Variants in GPR173 observed in about 807,000 individuals in gnomAD.
GPR173 encodes the protein probable G protein-coupled receptor 173.
In GPR173, 2 loss-of-function variants were observed where a neutral mutation model predicts 13.9. The observed-to-expected ratio is 0.14, with a 90% CI of 0.06 to 0.45. The LOEUF is 0.45. GPR173 is among the 20% of genes least tolerant of loss of function. The probability of loss-of-function intolerance (pLI) is 0.98; values close to 1 mark genes in which losing one functional copy is unlikely to be tolerated. For missense variants in GPR173, 202 were observed against 340.5 expected (o/e 0.59, Z 3.20); for synonymous variants, 131 against 141.0 (o/e 0.93, Z 0.50).
rs1277336426 is a variant in GPR173, at chrX:53,076,552, G to C, written c.-70G>C. The C allele has an allele frequency of 1.1e-6, 1 of 883,777 alleles. No individual in the cohort carries two copies. Among genetic ancestry groups the C allele is most frequent in the Non-Finnish European group, 1.6e-6 (1 of 638,026 alleles). The allele number at this position is 883,777 out of a possible 1,213,427, so 72.8% of individuals were successfully genotyped here. On this transcript the variant is annotated 5_prime_UTR_variant, in exon 2 of 2. Transcript: ENST00000332582. ...GCAATGTAGCAGGACAACTCATGGA[G>C]CCCCCCCGGGCCCATCGAGTACCGG... is the stretch of plus-strand genomic sequence containing the variant.
At chrX:53,051,329 G>C (rs1386139232) in intron 1 of GPR173, among the ~76,000 whole-genome samples, 2 of 111,025 alleles carry the variant, frequency 1.8e-5, no homozygotes, top group African/African-American at 6.6e-5. Flanking sequence ...GGGCAGGGAG[G>C]GGGGCTTTGA....
intron 1 of GPR173, among the ~76,000 whole-genome samples, chrX:53,073,586 G>A (rs904569523): frequency 9.3e-6 from 1 of 107,124 alleles, no homozygotes; most frequent in Non-Finnish European, 1.9e-5. Context: ...CTGACCCACA[G>A]CCCCAGCCCA....
intron 1 of GPR173, among the ~76,000 whole-genome samples, chrX:53,076,260 C>G (rs1162415168): frequency 1.8e-5 from 2 of 110,275 alleles, no homozygotes; most frequent in African/African-American, 6.6e-5. Flanking sequence ...GGTCTCCTGT[C>G]TGTCTCTCTC....
chrX:53,075,976 TA>T (rs782510546), intron 1 of GPR173, among the ~76,000 whole-genome samples: 1 of 110,490 alleles, frequency 9.1e-6, no homozygotes, highest in Admixed American at 9.7e-5. Flanking sequence ...TGGGTGGCAG[TA>T]AAAAAAAGTC....
intron 1 of GPR173, among the ~76,000 whole-genome samples, chrX:53,057,583 A>G (rs1232569951): frequency 1.9e-5 from 2 of 106,503 alleles, no homozygotes; most frequent in Non-Finnish European, 3.9e-5. Context: ...ACTAAAAAAA[A>G]AAAAAAACCA....
intron 1 of GPR173, among the ~76,000 whole-genome samples, chrX:53,057,409 C>T (rs1463335314): frequency 1.0e-4 from 9 of 86,998 alleles, no homozygotes; most frequent in African/African-American, 4.2e-4. Context: ...AAGAGTGAAA[C>T]TCCATCTCAA....
chrX:53,061,953 G>A (rs782416330), intron 1 of GPR173, among the ~76,000 whole-genome samples: 1 of 86,692 alleles, frequency 1.2e-5, no homozygotes, highest in South Asian at 5.1e-4. Flanking sequence ...TTTTGCATGA[G>A]AGAGAGAAAG....
intron 1 of GPR173, among the ~76,000 whole-genome samples, chrX:53,069,853 G>T (rs782295192): frequency 9.0e-6 from 1 of 111,345 alleles, no homozygotes; most frequent in African/African-American, 3.3e-5. Context: ...TTGTGTTGGT[G>T]AGCACACCTA....
intron 1 of GPR173, among the ~76,000 whole-genome samples, chrX:53,074,195 G>GTAAATATACATGTATATTTATTCATATAT (rs1569224445): frequency 8.0e-4 from 3 of 3,758 alleles, no homozygotes; most frequent in South Asian, 0.012. Flanking sequence ...TATTCATATA[G>GTAAATATACATGTATATTTATTCATATAT]AAATATATAT....
intron 1 of GPR173, among the ~76,000 whole-genome samples, chrX:53,059,119 G>T (rs1239196232): frequency 9.4e-6 from 1 of 106,819 alleles, no homozygotes; most frequent in Non-Finnish European, 1.9e-5. Context: ...CGTGGTGGCA[G>T]GCGCCTGTAG....
At chrX:53,060,317 T>A (rs1281457293) in intron 1 of GPR173, among the ~76,000 whole-genome samples, 8 of 109,860 alleles carry the variant, frequency 7.3e-5, no homozygotes, top group Admixed American at 4.9e-4. Flanking sequence ...CAGTGGCTCA[T>A]GCCTGTAATC....
At position 53,077,832 on chromosome X, in the gene GPR173, G is replaced by C. The variant is rs1932463664; in HGVS notation, c.*89G>C. Reference sequence around the variant, plus strand: ...GGGAGGGGTAGGGGCCCATACAGGAGTCCTCCTTTCTGAGCTCCAGCCCCA... The same window carrying C: ...GGGAGGGGTAGGGGCCCATACAGGACTCCTCCTTTCTGAGCTCCAGCCCCA... On this transcript the variant is annotated 3_prime_UTR_variant, in exon 2 of 2. Coordinates refer to ENST00000332582, the MANE Select transcript of GPR173 (RefSeq NM_018969.6). 2.6e-6 allele frequency: 2 copies of C among 765,884 alleles called. No individual in the cohort carries two copies. Among genetic ancestry groups the C allele is most frequent in the African/African-American group, 4.2e-5 (2 of 47,141 alleles). The allele number at this position is 765,884 out of a possible 1,213,427, so 63.1% of individuals were successfully genotyped here. A position where few individuals can be genotyped will look rare whatever the true frequency, so the allele number is the denominator to read the frequency against.
chrX:53,052,606 T>TACAC lies in GPR173; in HGVS notation c.-98+3122_-98+3123insACAC, dbSNP rs1569220331. 5.4e-3 allele frequency among the ~76,000 whole-genome samples: 551 copies of TACAC among 101,707 alleles called. 4 individuals are homozygous for TACAC. The highest frequency in any genetic ancestry group is 0.02 in the African/African-American group (523 of 25,598). 88.3% of individuals were successfully genotyped at this position (101,707 alleles called of 115,157 possible). On this transcript the variant is annotated intron_variant, in intron 1 of 1. Coordinates refer to ENST00000332582, the MANE Select transcript of GPR173 (RefSeq NM_018969.6). ...ACACATCTGTCCACACACACACGTG[T>TACAC]GTGTGTGTGTGTGTGTGTGTGTGTG...
intron 1 of GPR173, among the ~76,000 whole-genome samples, chrX:53,060,575 C>T (rs1932109685): frequency 1.2e-5 from 1 of 83,553 alleles, no homozygotes; most frequent in South Asian, 5.9e-4. Flanking sequence ...AGCGAGACTC[C>T]GTCTCAAAAA....
rs781994467 is a variant in GPR173 at position 53,067,645 on chromosome X, G to C, written c.-97-8880G>C. 1.4e-4 allele frequency among the ~76,000 whole-genome samples: 16 copies of C among 110,973 alleles called. No homozygotes were observed. In the East Asian group the frequency reaches 3.7e-3, roughly 25 times the overall value. The stretch of plus-strand genomic sequence containing the variant: ...TCAAGACCATCCTGGCTAACACAGT[G>C]AAACCCCGTCTCTACTAAAATACAA... On this transcript the variant is annotated intron_variant, in intron 1 of 1. Transcript: ENST00000332582.
At position 53,077,784 on chromosome X, in the gene GPR173, C is replaced by CCCATCACGGTGGCCATG; in HGVS notation, c.*41_*42insCCATCACGGTGGCCATG. ...AGACAGGCAGAGAGAAGGTCATGGC[C>CCCATCACGGTGGCCATG]ACCGTGATGGGGCCAACAGCAAGGG... On this transcript the variant is annotated 3_prime_UTR_variant, in exon 2 of 2. Coordinates refer to ENST00000332582, the MANE Select transcript of GPR173 (RefSeq NM_018969.6). 9.1e-7 allele frequency: 1 copy of CCCATCACGGTGGCCATG among 1,094,068 alleles called. No individual in the cohort carries two copies. The highest frequency in any genetic ancestry group is 1.3e-6 in the Non-Finnish European group (1 of 798,499). The allele number at this position is 1,094,068 out of a possible 1,213,427, so 90.2% of individuals were successfully genotyped here.
In GPR173 at chrX:53,077,432, C is replaced by T; in HGVS notation, c.811C>T (p.Arg271Trp). Reference sequence around the variant, plus strand: ...GCAGAATGGGCATGCAGCCAGCCGGCGGCTACTGGGCATGGACGAGGTCAA... The same window carrying T: ...GCAGAATGGGCATGCAGCCAGCCGGTGGCTACTGGGCATGGACGAGGTCAA... ...IRQNGHAASR[R>W]LLGMDEVKGE... Residue 271 changes from arginine to tryptophan, a missense_variant, in exon 2 of 2, where the codon CGG becomes TGG. Transcript: ENST00000332582. 3 of 1,207,820 alleles carry T rather than the reference C, an allele frequency of 2.5e-6. No individual in the cohort carries two copies. Among genetic ancestry groups the T allele is most frequent in the Non-Finnish European group, 3.4e-6 (3 of 893,253 alleles).
intron 1 of GPR173, among the ~76,000 whole-genome samples, chrX:53,058,424 C>CGTGTGTGTGTGTGTGT (rs112505843): frequency 9.9e-5 from 10 of 100,935 alleles, no homozygotes; most frequent in Non-Finnish European, 1.8e-4. Flanking sequence ...TCCAGGTGCA[C>CGTGTGTGTGTGTGTGT]GTGTGTGTGT....
intron 1 of GPR173, among the ~76,000 whole-genome samples, chrX:53,076,174 T>C (rs1358850694): frequency 9.0e-6 from 1 of 111,013 alleles, no homozygotes; most frequent in Non-Finnish European, 1.9e-5. Context: ...CAGGGCATAA[T>C]TGGGGAGGGC....
Sources: allele counts gnomAD v4.1 joint callset (sites outside exome capture counted in the v4.1 genomes callset), GRCh38; gene constraint gnomAD v4.1.1; transcripts MANE v1.5; gene names NCBI Gene and HGNC (gene_info 2026-07-23, HGNC 2026-07-21).